The following PRKAR1B variants were observed in gnomAD, a reference collection of about 807,000 sequenced individuals.
PRKAR1B encodes the protein cAMP-dependent protein kinase type I-beta regulatory subunit.
Under a neutral mutation model 46.5 loss-of-function variants are expected in PRKAR1B, and 22 were observed. The ratio of observed to expected loss-of-function variants is 0.47; its 90% CI spans 0.34 to 0.68. PRKAR1B has a LOEUF of 0.68. Among genes scored for constraint, PRKAR1B ranks in the 30% least tolerant of loss-of-function variants. PRKAR1B has a pLI of 0.01. For missense variants in PRKAR1B, 445 were observed against 535.6 expected, an observed-to-expected ratio of 0.83 and a Z score of 1.67; for synonymous variants, 259 against 217.7, an observed-to-expected ratio of 1.19 and a Z score of -1.67.
At position 680,693 on chromosome 7, in the gene PRKAR1B, A is replaced by T. The variant is rs1212455168; in HGVS notation, c.211T>A (p.Ser71Thr). Residue 71 changes from serine (S) to threonine (T), a missense_variant, in exon 3 of 11, where the codon TCA becomes ACA. Around this residue, in one of 5 missense-constraint regions of PRKAR1B, gnomAD observed 155 missense variants for 127.5 expected, o/e 1.22. Coordinates refer to ENST00000537384, the MANE Select transcript of PRKAR1B (RefSeq NM_001164760.2). The stretch of plus-strand genomic sequence containing the variant: ...TCATGGGAGTCCGACTGTGAGTTTG[A>T]CTTTTGCCGCGCCAAAATCTGCCTG... ...ENRQILARQK[S>T]NSQSDSHDEE... 3 of 1,613,628 alleles carry T rather than the reference A, an allele frequency of 1.9e-6. No homozygotes were observed. The highest frequency in any genetic ancestry group is 2.5e-6 in the Non-Finnish European group (3 of 1,179,910).
At chr7:689,178 C>A (rs564716102) in intron 2 of PRKAR1B, among the ~76,000 whole-genome samples, 13 of 151,960 alleles carry the variant, frequency 8.6e-5, no homozygotes, top group Non-Finnish European at 1.8e-4. Flanking sequence ...TGCAGTGGCG[C>A]GATCTCGGCT....
chr7:595,760 G>A (rs959232025), intron 7 of PRKAR1B, among the ~76,000 whole-genome samples: 2 of 152,242 alleles, frequency 1.3e-5, no homozygotes, highest in African/African-American at 4.8e-5. Context: ...CCCACACACA[G>A]GAAGCCCGTG....
chr7:615,379 C>T (rs1049530056), intron 4 of PRKAR1B, among the ~76,000 whole-genome samples: 13 of 147,494 alleles, frequency 8.8e-5, no homozygotes, highest in South Asian at 4.3e-4. Flanking sequence ...GAGCGGAGAT[C>T]GCGCCACTGC....
At chr7:672,181 C>T (rs1016859864) in intron 4 of PRKAR1B, among the ~76,000 whole-genome samples, 4 of 151,906 alleles carry the variant, frequency 2.6e-5, no homozygotes, top group African/African-American at 9.7e-5. Flanking sequence ...GATGGAGTCT[C>T]GCTCTGTCGC....
chr7:702,874 C>T (rs574369804), intron 2 of PRKAR1B, among the ~76,000 whole-genome samples: 76 of 151,546 alleles, frequency 5.0e-4, no homozygotes, highest in Admixed American at 1.8e-3. Flanking sequence ...AAAGATGCAT[C>T]ATAATATATA....
At chr7:570,363 G>A (rs146945057) in intron 9 of PRKAR1B, among the ~76,000 whole-genome samples, 1,803 of 152,290 alleles carry the variant, frequency 0.012, 20 homozygotes, top group Middle Eastern at 0.027. Context: ...CATACCCCCC[G>A]TCAAGGAGCT....
At chr7:694,066 C>CCT (rs1779592707) in intron 2 of PRKAR1B, among the ~76,000 whole-genome samples, 1 of 152,122 alleles carries the variant, frequency 6.6e-6, no homozygotes, top group Non-Finnish European at 1.5e-5. Flanking sequence ...GGGCAGATCA[C>CCT]GAGGTCAGGA....
chr7:590,812 C>T (rs542606151), intron 7 of PRKAR1B, among the ~76,000 whole-genome samples: 2 of 151,636 alleles, frequency 1.3e-5, no homozygotes, highest in African/African-American at 4.9e-5. Flanking sequence ...CACTTCTCCA[C>T]CCGCTGCGGG....
intron 4 of PRKAR1B, among the ~76,000 whole-genome samples, chr7:636,420 ACACGTCCTCCACCG>A (rs1562579380): frequency 2.0e-5 from 1 of 50,118 alleles, no homozygotes. Flanking sequence ...GGCCGCGCCC[ACACGTCCTCCACCG>A]GCCGCGCCCT....
At chr7:611,358 T>C (rs925617315) in intron 4 of PRKAR1B, among the ~76,000 whole-genome samples, 1 of 152,196 alleles carries the variant, frequency 6.6e-6, no homozygotes, top group Admixed American at 6.5e-5. Context: ...CCCCCAGCTC[T>C]CTCTGGGCAG....
At chr7:685,231 T>C (rs996207856) in intron 2 of PRKAR1B, among the ~76,000 whole-genome samples, 8 of 136,060 alleles carry the variant, frequency 5.9e-5, no homozygotes, top group South Asian at 2.4e-4. Context: ...TATATATATA[T>C]ACACACACAT....
At chr7:720,393 C>T (rs548141278) in intron 1 of PRKAR1B, among the ~76,000 whole-genome samples, 1 of 152,276 alleles carries the variant, frequency 6.6e-6, no homozygotes, top group South Asian at 2.1e-4. Flanking sequence ...TAAGGTTTGC[C>T]TTATGGCCCA....
chr7:583,071 G>A (rs910497288), intron 8 of PRKAR1B, among the ~76,000 whole-genome samples: 1 of 152,196 alleles, frequency 6.6e-6, no homozygotes, highest in South Asian at 2.1e-4. Context: ...GAGGGCAGGG[G>A]GGGTGACGGC....
At chr7:695,789 G>C (rs908615112) in intron 2 of PRKAR1B, among the ~76,000 whole-genome samples, 1 of 151,520 alleles carries the variant, frequency 6.6e-6, no homozygotes, top group Non-Finnish European at 1.5e-5. Context: ...TCAGCTTCCC[G>C]AGTAGCTGGG....
intron 4 of PRKAR1B, among the ~76,000 whole-genome samples, chr7:669,941 C>A (rs1193675815): frequency 6.8e-6 from 1 of 146,048 alleles, no homozygotes; most frequent in East Asian, 2.2e-4. Flanking sequence ...TCTCAGCTCA[C>A]TGCAAGCTCC....
At chr7:696,996 A>G (rs1779775904) in intron 2 of PRKAR1B, 1 of 152,104 alleles carries the variant, frequency 6.6e-6, no homozygotes. Context: ...TGCAGCCCCC[A>G]CTTCCTGTCT....
chr7:602,148 T>C lies in PRKAR1B; in HGVS notation c.549+4045A>G, dbSNP rs111815712. Among the ~76,000 whole-genome samples, 6,142 of 152,052 alleles carry C rather than the reference T, an allele frequency of 0.04. 390 individuals carry two copies. Among genetic ancestry groups the C allele is most frequent in the African/African-American group, 0.14 (5,765 of 41,496 alleles). On this transcript the variant is annotated intron_variant, in intron 6 of 10. Coordinates refer to ENST00000537384, the MANE Select transcript of PRKAR1B (RefSeq NM_001164760.2). This position sits in a 1 kb window ranked among gnomAD's most constrained non-coding sequence, Gnocchi z 6.4. ...GCTTCAGCCCCGACCCCACGCTAAC[T>C]GGGCCAGGGCAGGGGCTGGGCTGGG...
intron 4 of PRKAR1B, among the ~76,000 whole-genome samples, chr7:625,772 C>T (rs931199690): frequency 2.0e-5 from 3 of 151,950 alleles, no homozygotes; most frequent in Non-Finnish European, 2.9e-5. Context: ...TTTGGGAGGC[C>T]GAGGCAGGAG....
rs1032903619 is a variant in PRKAR1B at position 692,764 on chromosome 7, C to T, written c.178-12038G>A. Among the ~76,000 whole-genome samples the T allele has an allele frequency of 1.5e-4, 23 of 152,202 alleles. 1 individual carries two copies. Among genetic ancestry groups the T allele is most frequent in the Admixed American group, 1.4e-3 (21 of 15,290 alleles). The stretch of plus-strand genomic sequence containing the variant: ...GGGAGGCAGGAACACAGCCGGAGAC[C>T]GACCCGGGCACTCAACGCACGTTCA... On this transcript the variant is annotated intron_variant, in intron 2 of 10. Transcript: ENST00000537384.
Sources: allele counts gnomAD v4.1 joint callset (sites outside exome capture counted in the v4.1 genomes callset), GRCh38; gene constraint gnomAD v4.1.1; regional missense constraint gnomAD v4.1.1; non-coding constraint Gnocchi (gnomAD v3.1); transcripts MANE v1.5; gene names NCBI Gene and HGNC (gene_info 2026-07-23, HGNC 2026-07-21).